CMIP: variants seen among roughly 807,000 people sequenced by gnomAD.
CMIP encodes the protein C-Maf-inducing protein.
Under a neutral mutation model 97.3 loss-of-function variants are expected in CMIP, and 13 were observed. The observed-to-expected ratio is 0.13, with a 90% confidence interval of 0.09 to 0.21. The LOEUF is 0.21. Among genes scored for constraint, CMIP ranks in the 10% least tolerant of loss-of-function variants. The pLI is 1.00. For missense variants in CMIP, 847 were observed against 1,024.9 expected (o/e 0.83, Z 2.37); for synonymous variants, 538 against 436.3 (o/e 1.23, Z -2.91).
chr16:81,633,508 C>G (rs1420065350), intron 3 of CMIP, among the ~76,000 whole-genome samples: 1 of 152,228 alleles, frequency 6.6e-6, no homozygotes, highest in Non-Finnish European at 1.5e-5. Flanking sequence ...CCGGCTAACT[C>G]TGGAAGGGAA....
At chr16:81,537,968 A>G (rs967564760) in intron 1 of CMIP, among the ~76,000 whole-genome samples, 5 of 152,228 alleles carry the variant, frequency 3.3e-5, no homozygotes, top group Non-Finnish European at 7.3e-5. Context: ...GGGTGGGAAG[A>G]GACCCGGCAT....
intron 3 of CMIP, among the ~76,000 whole-genome samples, chr16:81,644,236 G>T (rs2092338020): frequency 6.6e-6 from 1 of 152,202 alleles, no homozygotes; most frequent in South Asian, 2.1e-4. Flanking sequence ...TGGTGCTGGT[G>T]CCCATGTATT....
intron 1 of CMIP, among the ~76,000 whole-genome samples, chr16:81,479,227 G>A (rs770694055): frequency 1.3e-5 from 2 of 152,134 alleles, no homozygotes; most frequent in Admixed American, 6.5e-5. Flanking sequence ...GAAGTTGCTC[G>A]CCTGGAAAAA....
At chr16:81,708,834 G>T (rs117630004) in intron 20 of CMIP, among the ~76,000 whole-genome samples, 5 of 152,364 alleles carry the variant, frequency 3.3e-5, no homozygotes, top group African/African-American at 4.8e-5. Flanking sequence ...GCAGTGGGGA[G>T]CCATTGAGGG....
Position 81,655,375 on chromosome 16 carries a change from A to C in CMIP, c.640-2400A>C, listed in dbSNP as rs570350218. Among the ~76,000 whole-genome samples the C allele has an allele frequency of 2.0e-5, 3 of 152,262 alleles. No homozygotes were observed. In the South Asian group the frequency reaches 6.2e-4, roughly 32 times the overall value. On this transcript the variant is annotated intron_variant, in intron 4 of 20. Transcript: ENST00000537098. This position sits in a 1 kb window ranked among gnomAD's most constrained non-coding sequence, Gnocchi z 4.9. ...GAGGGAGCTGCTAAGGACGCAAAAC[A>C]GTTCCGAGAAAGAACTGTCCGTCCA... is the stretch of plus-strand genomic sequence containing the variant.
At chr16:81,626,786 A>AAT (rs2092074088) in intron 3 of CMIP, among the ~76,000 whole-genome samples, 1 of 102,508 alleles carries the variant, frequency 9.8e-6, no homozygotes, top group Non-Finnish European at 1.9e-5. Context: ...AGAGAGAGAG[A>AAT]GAGTGTGTGT....
At chr16:81,677,300 G>A (rs916745510) in intron 9 of CMIP, among the ~76,000 whole-genome samples, 2 of 152,118 alleles carry the variant, frequency 1.3e-5, no homozygotes, top group African/African-American at 2.4e-5. Flanking sequence ...CATCTCCGTC[G>A]ACTCATGGGC....
At chr16:81,610,189 T>C in intron 2 of CMIP, 1 of 388,636 alleles carries the variant, frequency 2.6e-6, no homozygotes. Flanking sequence ...GCAGTGAGGC[T>C]GAAAAGCAGA....
intron 1 of CMIP, among the ~76,000 whole-genome samples, chr16:81,591,235 G>A (rs905730457): frequency 1.6e-5 from 2 of 126,670 alleles, no homozygotes; most frequent in African/African-American, 4.9e-5. Context: ...TGGGTCATTC[G>A]TGGGGAGATG....
intron 1 of CMIP, among the ~76,000 whole-genome samples, chr16:81,558,415 C>T (rs1437082243): frequency 2.0e-5 from 3 of 152,238 alleles, no homozygotes; most frequent in East Asian, 1.9e-4. Context: ...CTGGATGATA[C>T]AGCTCTTCTC....
intron 3 of CMIP, among the ~76,000 whole-genome samples, chr16:81,623,175 A>G (rs2092015579): frequency 6.6e-6 from 1 of 152,164 alleles, no homozygotes; most frequent in South Asian, 2.1e-4. Context: ...CTGCACTCCA[A>G]CCTGAGTGAT....
chr16:81,563,307 C>T (rs1158843918), intron 1 of CMIP, among the ~76,000 whole-genome samples: 1 of 152,196 alleles, frequency 6.6e-6, no homozygotes, highest in Non-Finnish European at 1.5e-5. Flanking sequence ...TACCTTGGAG[C>T]CAGAAGTCCT....
In CMIP at chr16:81,453,691, A is replaced by G. The variant is rs1906374889; in HGVS notation, c.300+8150A>G. ...AGCTGCCGTAACACGCAGCCCTGGC[A>G]TCTGGGTGGCTTCATGCAGCCCAGT... On this transcript the variant is annotated intron_variant, in intron 1 of 20. Coordinates refer to ENST00000537098, the MANE Select transcript of CMIP (RefSeq NM_198390.3). This position sits in a 1 kb window ranked among gnomAD's most constrained non-coding sequence, Gnocchi z 4.0. 6.6e-6 allele frequency among the ~76,000 whole-genome samples: 1 copy of G among 152,250 alleles called. No individual in the cohort carries two copies. Among genetic ancestry groups the G allele is most frequent in the Non-Finnish European group, 1.5e-5 (1 of 68,048 alleles).
At chr16:81,535,059 T>C (rs572536275) in intron 1 of CMIP, among the ~76,000 whole-genome samples, 1 of 152,278 alleles carries the variant, frequency 6.6e-6, no homozygotes, top group East Asian at 1.9e-4. Context: ...CATGCCATTC[T>C]CCTGCCTCAG....
intron 1 of CMIP, among the ~76,000 whole-genome samples, chr16:81,514,593 G>T (rs569211081): frequency 7.8e-4 from 119 of 152,280 alleles, no homozygotes; most frequent in African/African-American, 2.6e-3. Flanking sequence ...TCTCAGCACC[G>T]CATGGGCACC....
chr16:81,456,089 G>A (rs1292092453), intron 1 of CMIP, among the ~76,000 whole-genome samples: 1 of 152,196 alleles, frequency 6.6e-6, no homozygotes, highest in Non-Finnish European at 1.5e-5. Flanking sequence ...CATGTTTCAC[G>A]ACCCTGTGAC....
rs1567548304 is a variant in CMIP, at chr16:81,504,662, A to AAAAAG, written c.300+59136_300+59140dup. Among the ~76,000 whole-genome samples the AAAAAG allele has an allele frequency of 1.6e-3, 227 of 142,530 alleles. 2 individuals carry two copies. Among genetic ancestry groups the AAAAAG allele is most frequent in the East Asian group, 8.1e-3 (34 of 4,180 alleles). 93.5% of individuals were successfully genotyped at this position (142,530 alleles called of 152,430 possible). On this transcript the variant is annotated intron_variant, in intron 1 of 20. Coordinates refer to ENST00000537098, the MANE Select transcript of CMIP (RefSeq NM_198390.3). ...GTCTCAAAAAAAAAAAAAAAAAAAA[A>AAAAAG]AAAAGAAAAGAAAAGAAAAAATGGC...
At chr16:81,680,678 C>T (rs752919058) in intron 10 of CMIP, among the ~76,000 whole-genome samples, 25 of 152,210 alleles carry the variant, frequency 1.6e-4, no homozygotes, top group Non-Finnish European at 3.2e-4. Context: ...ACGTCACAGC[C>T]CTGAGTGTCT....
intron 3 of CMIP, among the ~76,000 whole-genome samples, chr16:81,626,877 TTATG>T (rs1375847657): frequency 7.3e-6 from 1 of 136,226 alleles, no homozygotes; most frequent in African/African-American, 2.8e-5. Flanking sequence ...GGTAACTATT[TTATG>T]TGTGTGTGTG....
Sources: gnomAD v4.1 joint callset for allele counts (sites outside exome capture counted in the v4.1 genomes callset) on GRCh38, gnomAD v4.1.1 for gene constraint, Gnocchi (gnomAD v3.1) non-coding constraint, MANE v1.5 for transcripts, NCBI Gene and HGNC (gene_info 2026-07-23, HGNC 2026-07-21) for gene names.